Variants in SGSM1 observed in about 807,000 individuals in gnomAD.
The protein encoded by SGSM1 is RUN and TBC1 domain containing 2.
Under a neutral mutation model 133.8 loss-of-function variants are expected in SGSM1, and 73 were observed. The observed-to-expected ratio is 0.55, with a 90% CI of 0.45 to 0.66. The LOEUF is 0.66. SGSM1 is among the 30% of genes least tolerant of loss of function. SGSM1 has a pLI of 0.00. For missense variants in SGSM1, 1,213 were observed against 1,448.1 expected (o/e 0.84, Z 2.64); for synonymous variants, 563 against 573.0 (o/e 0.98, Z 0.25).
At chr22:24,870,135 A>G (rs1025859580) in intron 12 of SGSM1, among the ~76,000 whole-genome samples, 2 of 152,232 alleles carry the variant, frequency 1.3e-5, no homozygotes, top group Non-Finnish European at 2.9e-5. Flanking sequence ...CTTAAGCGCT[A>G]CAGTGTCCTG....
In SGSM1 at chr22:24,898,341, A is replaced by G; in HGVS notation, c.2392A>G (p.Ile798Val). ...CGAGAGCATGGACGAGTTCATGTCC[A>G]TCACGGGCAGCCTGGACATGGCCCT... Reference protein sequence around the residue: ...ANESMDEFMSITGSLDMALPE... With the variant: ...ANESMDEFMSVTGSLDMALPE... Residue 798 changes from isoleucine (I) to valine (V), a missense_variant, in exon 19 of 25, where the codon ATC (isoleucine) becomes GTC (valine). Physicochemically the swap from Ile to Val is conservative, Grantham distance 29 (BLOSUM62 3). Coordinates refer to ENST00000400358, the MANE Select transcript of SGSM1 (RefSeq NM_001098497.3). The G allele has an allele frequency of 6.2e-7, 1 of 1,613,924 alleles. No homozygotes were observed. The highest frequency in any genetic ancestry group is 8.5e-7 in the Non-Finnish European group (1 of 1,179,870).
At chr22:24,921,101 A>G (rs1933989644) in intron 24 of SGSM1, among the ~76,000 whole-genome samples, 2 of 151,862 alleles carry the variant, frequency 1.3e-5, no homozygotes, top group Admixed American at 6.6e-5. Context: ...TCTTTCATAT[A>G]ATCTTTTTTT....
chr22:24,817,388 C>G (rs1260736187), intron 2 of SGSM1, among the ~76,000 whole-genome samples: 2 of 151,026 alleles, frequency 1.3e-5, no homozygotes, highest in African/African-American at 4.9e-5. Context: ...GAGTCTCACT[C>G]TGTCGCCAGG....
At chr22:24,870,452 A>G (rs1172278465) in intron 12 of SGSM1, among the ~76,000 whole-genome samples, 3 of 152,138 alleles carry the variant, frequency 2.0e-5, no homozygotes, top group East Asian at 1.9e-4. Flanking sequence ...TTCTCATCCA[A>G]CAGGCAATGT....
At chr22:24,916,461 G>A (rs1933825818) in intron 22 of SGSM1, among the ~76,000 whole-genome samples, 1 of 152,188 alleles carries the variant, frequency 6.6e-6, no homozygotes, top group Admixed American at 6.5e-5. Flanking sequence ...GGGAGGCCAA[G>A]GCGGGTGGAT....
intron 2 of SGSM1, among the ~76,000 whole-genome samples, chr22:24,837,399 G>A (rs578034097): frequency 1.3e-3 from 199 of 152,302 alleles, no homozygotes; most frequent in Non-Finnish European, 2.4e-3. Flanking sequence ...TATCTAGAAG[G>A]CAGAGCCAGG....
chr22:24,883,765 T>G (rs1932454606), intron 14 of SGSM1, among the ~76,000 whole-genome samples: 1 of 152,172 alleles, frequency 6.6e-6, no homozygotes, highest in Non-Finnish European at 1.5e-5. Flanking sequence ...GAGGCCAGCC[T>G]GGGCAAGATG....
At chr22:24,915,308 A>G (rs1393245645) in intron 22 of SGSM1, among the ~76,000 whole-genome samples, 3 of 152,242 alleles carry the variant, frequency 2.0e-5, no homozygotes, top group Non-Finnish European at 4.4e-5. Flanking sequence ...CATGCACGCA[A>G]CAACTTTGCT....
intron 5 of SGSM1, among the ~76,000 whole-genome samples, chr22:24,853,453 A>C (rs1930593045): frequency 6.6e-6 from 1 of 152,216 alleles, no homozygotes; most frequent in Admixed American, 6.5e-5. Context: ...ACAAATCCAA[A>C]AACATTCAGC....
chr22:24,895,328 C>T (rs1932890006), intron 18 of SGSM1, 37 bp downstream of exon 18: 1 of 1,591,498 alleles, frequency 6.3e-7, no homozygotes, highest in South Asian at 1.1e-5. Flanking sequence ...CCCACCCACT[C>T]CTCTCCCTTC....
At chr22:24,808,875 C>A (rs188512020) in intron 2 of SGSM1, among the ~76,000 whole-genome samples, 10 of 152,244 alleles carry the variant, frequency 6.6e-5, no homozygotes, top group African/African-American at 2.2e-4. Context: ...TTGGGACTTA[C>A]CCCCCAGGTC....
intron 20 of SGSM1, among the ~76,000 whole-genome samples, chr22:24,903,852 A>ATTAGCCAGGTG (rs1933255602): frequency 6.6e-6 from 1 of 152,052 alleles, no homozygotes; most frequent in Non-Finnish European, 1.5e-5. Context: ...CACACCTGTA[A>ATTAGCCAGGTG]TCCCAGCTAC....
chr22:24,817,476 C>A (rs9680840), intron 2 of SGSM1, among the ~76,000 whole-genome samples: 1 of 151,858 alleles, frequency 6.6e-6, no homozygotes, highest in Non-Finnish European at 1.5e-5. Context: ...CCTCAGCCTC[C>A]TAAGTAGCTG....
rs780661190 is a variant in SGSM1, at chr22:24,806,472, C to G, written c.51C>G (p.Thr17=). The change falls in exon 2 of 25, where the codon ACC becomes ACG. Residue 17 remains threonine (T), a synonymous_variant. Transcript: ENST00000400358. ...AGACCCGACAGAGGCTGCTACGCAC[C>G]GTCAAGAAGGAGGTGGGTGCCGGGG... ...EAETRQRLLR[T]VKKEVKQIME... is the part of the protein sequence containing the mutation. The G allele has an allele frequency of 2.6e-6, 4 of 1,517,834 alleles. No individual in the cohort carries two copies. The South Asian group carries it at 4.9e-5, about 19-fold the overall frequency. 94.0% of individuals were successfully genotyped at this position (1,517,834 alleles called of 1,614,324 possible).
chr22:24,863,744 CTT>C (rs200717326), intron 9 of SGSM1, among the ~76,000 whole-genome samples: 16 of 140,360 alleles, frequency 1.1e-4, no homozygotes, highest in South Asian at 2.3e-4. Flanking sequence ...TTCTTCTTTT[CTT>C]TTTTTTTTTT....
chr22:24,825,264 A>G (rs571278075), intron 2 of SGSM1, among the ~76,000 whole-genome samples: 1 of 152,078 alleles, frequency 6.6e-6, no homozygotes, highest in East Asian at 1.9e-4. Context: ...AGGGCTGGAG[A>G]TGTTGGTCCA....
intron 2 of SGSM1, among the ~76,000 whole-genome samples, chr22:24,836,230 C>T (rs1929419649): frequency 6.6e-6 from 1 of 152,188 alleles, no homozygotes; most frequent in Non-Finnish European, 1.5e-5. Context: ...TAGATTATTT[C>T]ACTTAGCACA....
chr22:24,822,713 G>T (rs974613810), intron 2 of SGSM1, among the ~76,000 whole-genome samples: 2 of 152,188 alleles, frequency 1.3e-5, no homozygotes, highest in Non-Finnish European at 2.9e-5. Flanking sequence ...CAAGTTGGCT[G>T]TGACTGTGAT....
chr22:24,855,107 T>A (rs751550437), intron 6 of SGSM1, 44 bp downstream of exon 6: 8 of 1,592,906 alleles, frequency 5.0e-6, no homozygotes, highest in Middle Eastern at 3.4e-4. Flanking sequence ...CCCGTGGTCT[T>A]GAGTCTGAGG....
Sources: allele counts gnomAD v4.1 joint callset (sites outside exome capture counted in the v4.1 genomes callset), GRCh38; gene constraint gnomAD v4.1.1; transcripts MANE v1.5; gene names NCBI Gene and HGNC (gene_info 2026-07-23, HGNC 2026-07-21).